Variants in SUPT3H observed in about 807,000 individuals in gnomAD.
The protein encoded by SUPT3H is transcription initiation protein SPT3 homolog.
Under a neutral mutation model 44.3 loss-of-function variants are expected in SUPT3H, and 44 were observed. That is an observed-to-expected ratio of 0.99 (90% CI 0.78 to 1.28). The LOEUF (loss-of-function observed/expected upper bound fraction) is 1.28, where lower values mean the gene tolerates loss of function less well. Ranked by LOEUF, SUPT3H falls within the 50% of genes most tolerant of loss-of-function variation. The pLI, the probability that SUPT3H is intolerant of heterozygous loss-of-function variation, is 0.00. For missense variants in SUPT3H, 380 were observed against 387.1 expected (o/e 0.98, Z 0.15); for synonymous variants, 124 against 125.6 (o/e 0.99, Z 0.09).
chr6:45,290,896 A>G (rs999886461), intron 2 of SUPT3H, among the ~76,000 whole-genome samples: 1 of 152,196 alleles, frequency 6.6e-6, no homozygotes, highest in Non-Finnish European at 1.5e-5. Context: ...ATCATGGCAG[A>G]CAGGAGGCAG....
At chr6:44,842,357 T>C (rs981265529) in intron 10 of SUPT3H, among the ~76,000 whole-genome samples, 3 of 152,178 alleles carry the variant, frequency 2.0e-5, no homozygotes, top group Non-Finnish European at 4.4e-5. Flanking sequence ...ATCATGTATA[T>C]GTATACATGC....
chr6:44,917,727 T>TA (rs1394543120), intron 10 of SUPT3H, among the ~76,000 whole-genome samples: 1 of 152,200 alleles, frequency 6.6e-6, no homozygotes, highest in Non-Finnish European at 1.5e-5. Flanking sequence ...TATCCTTGCT[T>TA]ACAATAGTTT....
chr6:44,881,793 A>C (rs1359652756), intron 10 of SUPT3H, among the ~76,000 whole-genome samples: 3 of 152,182 alleles, frequency 2.0e-5, no homozygotes, highest in African/African-American at 7.2e-5. Flanking sequence ...CTACTGGGTA[A>C]ATAATAAAAT....
At chr6:45,106,531 GTTTTTATTT>G (rs1169264868) in intron 2 of SUPT3H, among the ~76,000 whole-genome samples, 5 of 151,952 alleles carry the variant, frequency 3.3e-5, no homozygotes, top group Non-Finnish European at 5.9e-5. Flanking sequence ...GATTCGTACA[GTTTTTATTT>G]TTTTTATTTT....
intron 2 of SUPT3H, among the ~76,000 whole-genome samples, chr6:45,263,425 A>G (rs1216801796): frequency 6.6e-6 from 1 of 152,154 alleles, no homozygotes; most frequent in Non-Finnish European, 1.5e-5. Context: ...AGTGGGAGCT[A>G]AACATTAGGC....
chr6:45,128,453 C>T (rs1429533206), intron 2 of SUPT3H, among the ~76,000 whole-genome samples: 3 of 128,376 alleles, frequency 2.3e-5, no homozygotes, highest in Admixed American at 8.5e-5. Flanking sequence ...TGCAGTGAGC[C>T]GAGATTGCAC....
intron 10 of SUPT3H, among the ~76,000 whole-genome samples, chr6:44,886,614 G>T (rs2153437840): frequency 6.6e-6 from 1 of 152,186 alleles, no homozygotes; most frequent in South Asian, 2.1e-4. Context: ...GCTCCTGAAG[G>T]AAGCACTAAA....
At chr6:45,060,640 A>G (rs1021760520) in intron 3 of SUPT3H, among the ~76,000 whole-genome samples, 3 of 152,106 alleles carry the variant, frequency 2.0e-5, no homozygotes, top group African/African-American at 7.3e-5. Context: ...GGAAACTATC[A>G]TCAGAGTGAA....
At chr6:45,043,126 A>G (rs79186768) in intron 3 of SUPT3H, among the ~76,000 whole-genome samples, 2,777 of 118,852 alleles carry the variant, frequency 0.023, 90 homozygotes, top group African/African-American at 0.081. Flanking sequence ...GGAGCCTTGT[A>G]TCTTACATAC....
chr6:44,921,849 C>A (rs551080855), intron 10 of SUPT3H, among the ~76,000 whole-genome samples: 1 of 152,328 alleles, frequency 6.6e-6, no homozygotes, highest in African/African-American at 2.4e-5. Flanking sequence ...AAAGTCAACT[C>A]AAATACTCCC....
chr6:44,900,404 C>A (rs929680907), intron 10 of SUPT3H, among the ~76,000 whole-genome samples: 3 of 152,344 alleles, frequency 2.0e-5, no homozygotes, highest in Non-Finnish European at 4.4e-5. Context: ...GGGTCCTATG[C>A]CCACGGAGCC....
intron 2 of SUPT3H, among the ~76,000 whole-genome samples, chr6:45,191,174 CT>C (rs912764309): frequency 6.6e-6 from 1 of 151,992 alleles, no homozygotes; most frequent in African/African-American, 2.4e-5. Flanking sequence ...CCAAGATGTC[CT>C]TCAATAGGCA....
chr6:44,969,597 G>GA (rs1313658684), intron 6 of SUPT3H, among the ~76,000 whole-genome samples: 3 of 151,678 alleles, frequency 2.0e-5, no homozygotes, highest in African/African-American at 2.4e-5. Flanking sequence ...TATGTTTTTA[G>GA]AAAAAAAATC....
At chr6:45,035,367 G>A (rs1210201837) in intron 3 of SUPT3H, among the ~76,000 whole-genome samples, 2 of 152,046 alleles carry the variant, frequency 1.3e-5, no homozygotes, top group South Asian at 2.1e-4. Context: ...TGTATACAAA[G>A]TGTCTGGTAC....
Position 45,061,683 on chromosome 6 carries a change from T to C in SUPT3H, c.187-41051A>G, listed in dbSNP as rs771412792. ...AATTTCTTACAATGTAGATTGATAA[T>C]CTTTATTATAAGCTTTTGCAATATG... On this transcript the variant is annotated intron_variant, in intron 3 of 10. Coordinates refer to ENST00000371459, the MANE Select transcript of SUPT3H (RefSeq NM_003599.4). Among the ~76,000 whole-genome samples the C allele has an allele frequency of 2.0e-5, 3 of 152,070 alleles. No individual in the cohort carries two copies. In the South Asian group the frequency reaches 6.2e-4, roughly 32 times the overall value.
At chr6:44,817,556 T>C (rs1160914036) in intron 11 of SUPT3H, among the ~76,000 whole-genome samples, 1 of 152,064 alleles carries the variant, frequency 6.6e-6, no homozygotes, top group Non-Finnish European at 1.5e-5. Context: ...AAAATGATCA[T>C]CTATGTAGAA....
intron 9 of SUPT3H, among the ~76,000 whole-genome samples, chr6:44,948,072 C>A (rs1369401942): frequency 6.6e-6 from 1 of 152,246 alleles, no homozygotes; most frequent in South Asian, 2.1e-4. Context: ...TTACCCATTT[C>A]TTGTTTTTGC....
intron 10 of SUPT3H, among the ~76,000 whole-genome samples, chr6:44,918,163 G>A (rs1218410381): frequency 1.3e-5 from 2 of 152,072 alleles, no homozygotes; most frequent in African/African-American, 2.4e-5. Flanking sequence ...CCCACAAATA[G>A]CCAACATTTT....
At chr6:44,876,710 C>G (rs1038755789) in intron 10 of SUPT3H, among the ~76,000 whole-genome samples, 1 of 140,916 alleles carries the variant, frequency 7.1e-6, no homozygotes, top group African/African-American at 2.6e-5. Flanking sequence ...ACCAATGGAT[C>G]AAAGGAGAAA....
Sources: gnomAD v4.1 joint callset for allele counts (sites outside exome capture counted in the v4.1 genomes callset) on GRCh38, gnomAD v4.1.1 for gene constraint, MANE v1.5 for transcripts, NCBI Gene and HGNC (gene_info 2026-07-23, HGNC 2026-07-21) for gene names.